ZDHHC15: variants seen among roughly 807,000 people sequenced by gnomAD.
The protein encoded by ZDHHC15 is zDHHC palmitoyltransferase 15.
ZDHHC15 carries 19 observed loss-of-function variants against 31.7 expected under a neutral mutation model. The observed-to-expected ratio is 0.60, with a 90% CI of 0.42 to 0.88. The LOEUF (loss-of-function observed/expected upper bound fraction) is 0.88. Ranked by LOEUF, ZDHHC15 falls within the 40% of genes least tolerant of loss-of-function variation. The pLI is 0.00. For missense variants in ZDHHC15, 209 were observed against 251.2 expected (o/e 0.83, Z 1.14); for synonymous variants, 103 against 90.0 (o/e 1.14, Z -0.82).
intron 10 of ZDHHC15, among the ~76,000 whole-genome samples, chrX:75,391,320 A>T (rs1180325615): frequency 8.9e-6 from 1 of 112,301 alleles, no homozygotes; most frequent in Non-Finnish European, 1.9e-5. Flanking sequence ...AGGAATAATG[A>T]CAGAATTTCC....
intron 2 of ZDHHC15, among the ~76,000 whole-genome samples, chrX:75,500,176 G>C (rs921548528): frequency 9.1e-6 from 1 of 109,680 alleles, no homozygotes; most frequent in Admixed American, 9.9e-5. Flanking sequence ...TCAGTGTACA[G>C]TTTGGGTGAT....
In ZDHHC15 at chrX:75,404,405, C is replaced by T. The variant is rs953551354; in HGVS notation, c.967+12682G>A. Among the ~76,000 whole-genome samples the T allele has an allele frequency of 2.7e-5, 3 of 111,672 alleles. No individual in the cohort carries two copies. The Admixed American group carries it at 2.9e-4, about 11-fold the overall frequency. Reference sequence around the variant, plus strand: ...ATCTAATTAAACCTAAGAGCTTCTGCCCAGCAAAGGAGAATATCAACAGAG... The same window carrying T: ...ATCTAATTAAACCTAAGAGCTTCTGTCCAGCAAAGGAGAATATCAACAGAG... On this transcript the variant is annotated intron_variant, in intron 10 of 11. Transcript: ENST00000373367.
At chrX:75,386,797 A>G (rs753319993) in intron 10 of ZDHHC15, among the ~76,000 whole-genome samples, 9 of 111,352 alleles carry the variant, frequency 8.1e-5, no homozygotes, top group Non-Finnish European at 1.7e-4. Context: ...TTTTTAAATT[A>G]TTTTTCTTGT....
intron 11 of ZDHHC15, among the ~76,000 whole-genome samples, chrX:75,374,687 GTA>G (rs3076274): frequency 1.7e-4 from 16 of 91,676 alleles, no homozygotes; most frequent in African/African-American, 6.2e-4. Context: ...GTGTGTGTGT[GTA>G]TATATATATA....
chrX:75,413,621 C>A (rs1357220189), intron 10 of ZDHHC15, among the ~76,000 whole-genome samples: 30 of 108,162 alleles, frequency 2.8e-4, no homozygotes, highest in African/African-American at 8.1e-4. Flanking sequence ...GCCGAGATTG[C>A]GCCACTGCAC....
intron 10 of ZDHHC15, among the ~76,000 whole-genome samples, chrX:75,391,274 G>T (rs903169411): frequency 9.0e-6 from 1 of 111,671 alleles, no homozygotes; most frequent in East Asian, 2.8e-4. Flanking sequence ...TTAAAGAGGA[G>T]GTAGAGAGAA....
intron 2 of ZDHHC15, among the ~76,000 whole-genome samples, chrX:75,492,350 C>T (rs764316902): frequency 9.0e-6 from 1 of 111,100 alleles, no homozygotes; most frequent in Non-Finnish European, 1.9e-5. Flanking sequence ...TAACACCCCA[C>T]TGTCAATATT....
In ZDHHC15 at chrX:75,386,916, C is replaced by G. The variant is rs73220078; in HGVS notation, c.968-7718G>C. 4.3e-3 allele frequency among the ~76,000 whole-genome samples: 477 copies of G among 112,005 alleles called. 2 individuals carry two copies. The highest frequency in any genetic ancestry group is 0.012 in the South Asian group (33 of 2,644). On this transcript the variant is annotated intron_variant, in intron 10 of 11. Coordinates refer to ENST00000373367, the MANE Select transcript of ZDHHC15 (RefSeq NM_144969.3). ...CTCTCTACTGGATTTTCAAACCAGG[C>G]TGAAAGAAGAGCTCAGTGAGGAGAG...
intron 10 of ZDHHC15, among the ~76,000 whole-genome samples, chrX:75,392,173 G>C (rs182951553): frequency 5.3e-4 from 60 of 112,326 alleles, no homozygotes; most frequent in African/African-American, 1.8e-3. Flanking sequence ...AAAATAGGCT[G>C]TCTGCAGGCT....
At chrX:75,466,256 C>T (rs1224307581) in intron 3 of ZDHHC15, among the ~76,000 whole-genome samples, 1 of 111,931 alleles carries the variant, frequency 8.9e-6, no homozygotes, top group Non-Finnish European at 1.9e-5. Context: ...CTATCTCACG[C>T]CAGTCAGAAT....
At chrX:75,505,105 C>T (rs2085138399) in intron 2 of ZDHHC15, among the ~76,000 whole-genome samples, 2 of 111,311 alleles carry the variant, frequency 1.8e-5, no homozygotes, top group African/African-American at 6.5e-5. Context: ...GCTCTCTTGC[C>T]TCTATAGCCA....
At chrX:75,386,508 C>T (rs1015978314) in intron 10 of ZDHHC15, among the ~76,000 whole-genome samples, 10 of 111,615 alleles carry the variant, frequency 9.0e-5, no homozygotes, top group East Asian at 2.8e-4. Context: ...CAGGGTCTCA[C>T]GCTGTTGCCC....
At chrX:75,505,442 T>G (rs2085143796) in intron 2 of ZDHHC15, among the ~76,000 whole-genome samples, 1 of 110,776 alleles carries the variant, frequency 9.0e-6, no homozygotes, top group African/African-American at 3.3e-5. Flanking sequence ...GTGAAGGAGT[T>G]AGCCTTTAAA....
intron 10 of ZDHHC15, among the ~76,000 whole-genome samples, chrX:75,396,023 A>T (rs192216952): frequency 2.3e-4 from 26 of 112,355 alleles, no homozygotes; most frequent in African/African-American, 7.4e-4. Context: ...TAACTCTGAG[A>T]CCTCAAAATA....
chrX:75,392,575 T>C (rs990776855), intron 10 of ZDHHC15, among the ~76,000 whole-genome samples: 1 of 112,058 alleles, frequency 8.9e-6, no homozygotes, highest in African/African-American at 3.2e-5. Flanking sequence ...ATATAGATGA[T>C]AATAAGGTCA....
chrX:75,448,149 T>G (rs1184288291), intron 4 of ZDHHC15, among the ~76,000 whole-genome samples: 1 of 112,047 alleles, frequency 8.9e-6, no homozygotes, highest in Non-Finnish European at 1.9e-5. Context: ...ATACAGGAGG[T>G]GCCTTAGGGC....
intron 1 of ZDHHC15, among the ~76,000 whole-genome samples, chrX:75,509,882 A>G (rs888710345): frequency 6.2e-5 from 7 of 112,445 alleles, no homozygotes; most frequent in Admixed American, 2.8e-4. Flanking sequence ...GTCTGATTTT[A>G]AAAAATGTTA....
intron 4 of ZDHHC15, among the ~76,000 whole-genome samples, chrX:75,439,764 G>C (rs1490242281): frequency 9.0e-6 from 1 of 111,172 alleles, no homozygotes; most frequent in Non-Finnish European, 1.9e-5. Flanking sequence ...TATCAGAATT[G>C]TTTTTCTTGT....
chrX:75,400,863 T>G (rs1047136093), intron 10 of ZDHHC15, among the ~76,000 whole-genome samples: 2 of 111,239 alleles, frequency 1.8e-5, no homozygotes, highest in African/African-American at 6.5e-5. Context: ...AACCAAAAAT[T>G]TCATATCCAG....
Sources: gnomAD v4.1 joint callset for allele counts (sites outside exome capture counted in the v4.1 genomes callset) on GRCh38, gnomAD v4.1.1 for gene constraint, MANE v1.5 for transcripts, NCBI Gene and HGNC (gene_info 2026-07-23, HGNC 2026-07-21) for gene names.